The following MEGF9 variants were observed in gnomAD, a reference collection of about 807,000 sequenced individuals.
MEGF9 encodes the protein multiple epidermal growth factor-like domains protein 9.
In MEGF9, 6 loss-of-function variants were observed where a neutral mutation model predicts 46.8. The ratio of observed to expected loss-of-function variants is 0.13; its 90% CI spans 0.07 to 0.25. The LOEUF is 0.25. Ranked by LOEUF, MEGF9 falls within the 10% of genes least tolerant of loss-of-function variation. MEGF9 has a pLI of 1.00. For synonymous variants in MEGF9, 302 were observed against 330.7 expected (o/e 0.91, Z 0.94); for missense variants, 683 against 792.4 (o/e 0.86, Z 1.66).
chr9:120,649,298 T>C (rs2043638951), intron 2 of MEGF9, among the ~76,000 whole-genome samples: 2 of 152,250 alleles, frequency 1.3e-5, no homozygotes, highest in Admixed American at 1.3e-4. Context: ...TCAAATAATG[T>C]AGTTTCAGTA....
intron 4 of MEGF9, among the ~76,000 whole-genome samples, chr9:120,609,985 T>A (rs1479363478): frequency 6.6e-6 from 1 of 151,624 alleles, no homozygotes. Flanking sequence ...GGTTTTAGTA[T>A]ATTCCCAGAG....
chr9:120,686,032 G>C (rs2043820618), intron 1 of MEGF9, among the ~76,000 whole-genome samples: 1 of 151,162 alleles, frequency 6.6e-6, no homozygotes, highest in African/African-American at 2.4e-5. Flanking sequence ...CACAGAAACA[G>C]ATTGGAATGA....
chr9:120,658,641 T>C (rs2043688037), intron 2 of MEGF9, among the ~76,000 whole-genome samples: 1 of 152,236 alleles, frequency 6.6e-6, no homozygotes, highest in Non-Finnish European at 1.5e-5. Flanking sequence ...GAGTATAACC[T>C]GTCATTATTT....
chr9:120,670,034 T>C (rs967014080), intron 1 of MEGF9, among the ~76,000 whole-genome samples: 2 of 152,236 alleles, frequency 1.3e-5, no homozygotes, highest in Non-Finnish European at 2.9e-5. Context: ...GAGAGAAGTC[T>C]AGTCTAGATT....
chr9:120,631,282 C>T (rs1038651768), intron 2 of MEGF9, among the ~76,000 whole-genome samples: 1 of 152,180 alleles, frequency 6.6e-6, no homozygotes, highest in African/African-American at 2.4e-5. Context: ...AATCAAGTGG[C>T]TGTAAGTATG....
chr9:120,641,993 C>T (rs1177841078), intron 2 of MEGF9, among the ~76,000 whole-genome samples: 2 of 152,142 alleles, frequency 1.3e-5, no homozygotes, highest in African/African-American at 4.8e-5. Context: ...CTCAGTGGCC[C>T]TGCCTCTCCA....
intron 1 of MEGF9, among the ~76,000 whole-genome samples, chr9:120,693,067 A>G (rs2043857015): frequency 6.6e-6 from 1 of 152,186 alleles, no homozygotes; most frequent in African/African-American, 2.4e-5. Flanking sequence ...GTGGGTGATT[A>G]ACAAAGATCT....
At position 120,605,367 on chromosome 9, in the gene MEGF9, C is replaced by T; in HGVS notation, c.1632G>A (p.Arg544=). The change falls in exon 6 of 6, where the codon CGG becomes CGA. Residue 544 remains arginine, a synonymous_variant. Coordinates refer to ENST00000373930, the MANE Select transcript of MEGF9 (RefSeq NM_001080497.3). The surrounding 1 kb of genome is among the most constrained non-coding windows in gnomAD (Gnocchi z 4.0). ...AVYMYREYQN[R]KLNAPFWTIE... ...TGGTCCAAAAGGGGGCATTGAGTTTCCGGTTTTGGTACTCGCGGTACATAT... is the reference window on the plus strand; with the variant it reads ...TGGTCCAAAAGGGGGCATTGAGTTTTCGGTTTTGGTACTCGCGGTACATAT... 6.2e-7 allele frequency: 1 copy of T among 1,613,972 alleles called. No homozygotes were observed. Among genetic ancestry groups the T allele is most frequent in the Non-Finnish European group, 8.5e-7 (1 of 1,179,886 alleles).
At chr9:120,618,757 G>A (rs2043483572) in intron 3 of MEGF9, among the ~76,000 whole-genome samples, 1 of 151,886 alleles carries the variant, frequency 6.6e-6, no homozygotes, top group Admixed American at 6.6e-5. Context: ...AATTAGCTGG[G>A]CGTGTGATGG....
chr9:120,660,359 G>A (rs934393871), intron 1 of MEGF9, among the ~76,000 whole-genome samples: 9 of 151,980 alleles, frequency 5.9e-5, no homozygotes, highest in African/African-American at 9.7e-5. Flanking sequence ...CAGGATAAAC[G>A]GTGTGTCCAT....
chr9:120,638,350 TAGTGCCTATAATTTAG>T (rs1157275420), intron 2 of MEGF9, among the ~76,000 whole-genome samples: 2 of 152,230 alleles, frequency 1.3e-5, no homozygotes, highest in Non-Finnish European at 2.9e-5. Context: ...AATTAACTTG[TAGTGCCTATAATTTAG>T]AACTCATTTT....
chr9:120,683,301 T>G (rs967662682), intron 1 of MEGF9, among the ~76,000 whole-genome samples: 4 of 152,148 alleles, frequency 2.6e-5, no homozygotes, highest in Non-Finnish European at 5.9e-5. Flanking sequence ...ACCCAAAAAG[T>G]TGGCCATAAG....
chr9:120,616,568 A>C (rs186937555), intron 3 of MEGF9, among the ~76,000 whole-genome samples: 1,622 of 151,316 alleles, frequency 0.011, 30 homozygotes, highest in African/African-American at 0.035. Flanking sequence ...AGTCCCAGCT[A>C]CTCGGGAGGC....
intron 2 of MEGF9, among the ~76,000 whole-genome samples, chr9:120,636,628 C>G (rs1291808379): frequency 6.6e-6 from 1 of 152,224 alleles, no homozygotes; most frequent in Non-Finnish European, 1.5e-5. Flanking sequence ...CTTAATTCAA[C>G]TAGGACAGTG....
chr9:120,707,783 C>A (rs898524896), intron 1 of MEGF9, among the ~76,000 whole-genome samples: 1 of 152,152 alleles, frequency 6.6e-6, no homozygotes, highest in African/African-American at 2.4e-5. Flanking sequence ...TGGCTCACAC[C>A]TGTAATCCCA....
intron 1 of MEGF9, among the ~76,000 whole-genome samples, chr9:120,687,902 G>C (rs1356548214): frequency 6.6e-6 from 1 of 151,944 alleles, no homozygotes; most frequent in Non-Finnish European, 1.5e-5. Flanking sequence ...TGGGAGGCAG[G>C]TATACAGGGG....
At chr9:120,661,908 A>T (rs1279738769) in intron 1 of MEGF9, among the ~76,000 whole-genome samples, 1 of 152,254 alleles carries the variant, frequency 6.6e-6, no homozygotes, top group Non-Finnish European at 1.5e-5. Context: ...TTCAAATTAC[A>T]TCCAACTTCT....
intron 3 of MEGF9, among the ~76,000 whole-genome samples, chr9:120,622,098 A>AT (rs2043502133): frequency 6.6e-6 from 1 of 152,090 alleles, no homozygotes; most frequent in African/African-American, 2.4e-5. Flanking sequence ...AGAGAAAGAG[A>AT]TTTTTTTCTA....
chr9:120,629,488 A>G (rs1391756622), intron 2 of MEGF9, among the ~76,000 whole-genome samples: 1 of 152,170 alleles, frequency 6.6e-6, no homozygotes, highest in Non-Finnish European at 1.5e-5. Flanking sequence ...AAAAATACAA[A>G]AATTAATGGC....
Sources: gnomAD v4.1 joint callset for allele counts (sites outside exome capture counted in the v4.1 genomes callset) on GRCh38, gnomAD v4.1.1 for gene constraint, Gnocchi (gnomAD v3.1) non-coding constraint, MANE v1.5 for transcripts, NCBI Gene and HGNC (gene_info 2026-07-23, HGNC 2026-07-21) for gene names.